C3orf20: variants seen among roughly 807,000 people sequenced by gnomAD.
C3orf20 encodes uncharacterized protein C3orf20.
C3orf20 carries 76 observed loss-of-function variants against 88.3 expected under a neutral mutation model. The observed-to-expected ratio is 0.86, with a 90% CI of 0.72 to 1.04. The LOEUF (loss-of-function observed/expected upper bound fraction) is 1.04. Ranked by LOEUF, C3orf20 falls within the 50% of genes least tolerant of loss-of-function variation. The pLI, the probability that C3orf20 is intolerant of heterozygous loss-of-function variation, is 0.00. For synonymous variants in C3orf20, 436 were observed against 437.4 expected (o/e 1.00, Z 0.04); for missense variants, 1,056 against 1,123.3 (o/e 0.94, Z 0.86).
In C3orf20 at chr3:14,732,531, T is replaced by G. The variant is rs1399258345; in HGVS notation, c.1940+3843T>G. On this transcript the variant is annotated intron_variant, in intron 12 of 16. Transcript: ENST00000253697. ...TTCTGGATTGTGATTTGTTGTCATG[T>G]CTAAAAACCCTTTGTTTAACCCAGT... 2.0e-5 allele frequency among the ~76,000 whole-genome samples: 3 copies of G among 152,240 alleles called. No homozygotes were observed. The East Asian group carries it at 5.8e-4, about 29-fold the overall frequency.
Position 14,715,350 on chromosome 3 carries a change from G to A in C3orf20, c.1375G>A (p.Val459Ile). ...GACCACCAATGACCAGCAGGGCTATGTAGTCCACAAGTGGAGCTGGACTTC... is the reference window on the plus strand; with the variant it reads ...GACCACCAATGACCAGCAGGGCTATATAGTCCACAAGTGGAGCTGGACTTC... The part of the protein sequence containing the change: ...GGTTNDQQGY[V>I]VHKWSWTSRT... The change falls in exon 9 of 17, where the codon GTA becomes ATA. Residue 459 changes from valine to isoleucine, a missense_variant. Val to Ile is a conservative substitution (Grantham distance 29, BLOSUM62 3). Coordinates refer to ENST00000253697, the MANE Select transcript of C3orf20 (RefSeq NM_032137.5). 6.2e-7 allele frequency: 1 copy of A among 1,612,726 alleles called. No individual in the cohort carries two copies. Among genetic ancestry groups the A allele is most frequent in the African/African-American group, 1.3e-5 (1 of 75,038 alleles).
intron 5 of C3orf20, among the ~76,000 whole-genome samples, chr3:14,702,400 T>C (rs1185707908): frequency 6.6e-6 from 1 of 151,504 alleles, no homozygotes; most frequent in Non-Finnish European, 1.5e-5. Flanking sequence ...AACCATATCA[T>C]TCTGCCCCTG....
intron 4 of C3orf20, among the ~76,000 whole-genome samples, chr3:14,689,613 T>A (rs2124903922): frequency 6.6e-6 from 1 of 152,324 alleles, no homozygotes; most frequent in South Asian, 2.1e-4. Flanking sequence ...TGTCTGTGGC[T>A]TAGATAAGGG....
intron 12 of C3orf20, among the ~76,000 whole-genome samples, chr3:14,742,379 C>T (rs1335944022): frequency 6.6e-6 from 1 of 152,098 alleles, no homozygotes; most frequent in Non-Finnish European, 1.5e-5. Context: ...CAAATGTATC[C>T]CCATCAGGGT....
chr3:14,714,274 A>G, intron 8 of C3orf20, 115 bp downstream of exon 8: 1 of 1,165,030 alleles, frequency 8.6e-7, no homozygotes, highest in Non-Finnish European at 1.2e-6. Flanking sequence ...CGGTGTCCAG[A>G]GATCTAGTAA....
intron 15 of C3orf20, among the ~76,000 whole-genome samples, chr3:14,762,244 G>A (rs975655660): frequency 2.0e-5 from 3 of 152,224 alleles, no homozygotes; most frequent in African/African-American, 7.2e-5. Context: ...CCCTGTAGCA[G>A]GAAATGCTGG....
chr3:14,769,852 G>A (rs1021155613), intron 15 of C3orf20, among the ~76,000 whole-genome samples: 1 of 152,182 alleles, frequency 6.6e-6, no homozygotes, highest in Non-Finnish European at 1.5e-5. Context: ...CTGGGACGGA[G>A]GGGCTGGCTG....
rs1575085129 is a variant in C3orf20 at position 14,682,500 on chromosome 3, G to T, written c.-136-78G>T. On this transcript the variant is annotated intron_variant, in intron 2 of 16. Transcript: ENST00000253697. ...TTGGTCTCTCTGATGGTGTCTCTGG[G>T]TAGGTAAGGGACGGGGGACCTCCCC... 16 of 598,022 alleles carry T rather than the reference G, an allele frequency of 2.7e-5. No homozygotes were observed. In the East Asian group the frequency reaches 4.0e-4, roughly 15 times the overall value. 37.0% of individuals were successfully genotyped at this position (598,022 alleles called of 1,614,324 possible). A position where few individuals can be genotyped will look rare whatever the true frequency, so the allele number is the denominator to read the frequency against.
intron 9 of C3orf20, among the ~76,000 whole-genome samples, chr3:14,721,423 G>A (rs897876229): frequency 1.3e-5 from 2 of 152,258 alleles, no homozygotes; most frequent in African/African-American, 4.8e-5. Context: ...GAGTTGGAAA[G>A]GGAAGGAGTA....
At chr3:14,760,070 C>T in intron 14 of C3orf20, 72 bp downstream of exon 14, 1 of 1,120,860 alleles carries the variant, frequency 8.9e-7, no homozygotes, top group Non-Finnish European at 1.4e-6. Context: ...TGCAGAATCA[C>T]ACATGTGGGA....
intron 9 of C3orf20, among the ~76,000 whole-genome samples, chr3:14,716,321 G>A (rs1409766559): frequency 6.6e-6 from 1 of 152,172 alleles, no homozygotes; most frequent in African/African-American, 2.4e-5. Flanking sequence ...TGTGAGAGAG[G>A]GGCAAGTGTT....
chr3:14,681,645 G>A (rs2032098067), intron 1 of C3orf20, among the ~76,000 whole-genome samples: 1 of 152,138 alleles, frequency 6.6e-6, no homozygotes, highest in Non-Finnish European at 1.5e-5. Context: ...AAGTCCCTTG[G>A]GAATTACAAG....
chr3:14,695,931 C>T (rs2032976719), intron 5 of C3orf20, among the ~76,000 whole-genome samples: 1 of 152,022 alleles, frequency 6.6e-6, no homozygotes, highest in African/African-American at 2.4e-5. Context: ...ATCCATCCAA[C>T]AACCCTATGT....
chr3:14,716,575 C>T (rs1174000966), intron 9 of C3orf20, among the ~76,000 whole-genome samples: 1 of 152,198 alleles, frequency 6.6e-6, no homozygotes, highest in Non-Finnish European at 1.5e-5. Context: ...TTGAACATGT[C>T]TCACCTTTCC....
chr3:14,747,825 C>T (rs1188455061), intron 12 of C3orf20, among the ~76,000 whole-genome samples: 3 of 151,732 alleles, frequency 2.0e-5, no homozygotes, highest in Non-Finnish European at 4.4e-5. Context: ...CAAAGGCAGG[C>T]TTTATATTAT....
At chr3:14,696,725 A>G (rs1323971706) in intron 5 of C3orf20, among the ~76,000 whole-genome samples, 2 of 151,666 alleles carry the variant, frequency 1.3e-5, no homozygotes, top group East Asian at 3.9e-4. Flanking sequence ...TCTGCTTGAG[A>G]TAATAGTAGC....
At chr3:14,748,820 T>G (rs534724578) in intron 12 of C3orf20, among the ~76,000 whole-genome samples, 1 of 152,326 alleles carries the variant, frequency 6.6e-6, no homozygotes, top group South Asian at 2.1e-4. Context: ...AGAGATTTTA[T>G]AATGTTTTCA....
chr3:14,688,862 G>A (rs1408595680), intron 4 of C3orf20, among the ~76,000 whole-genome samples: 1 of 152,026 alleles, frequency 6.6e-6, no homozygotes, highest in African/African-American at 2.4e-5. Context: ...ACAGAGTACA[G>A]CTGTTTTCCA....
chr3:14,707,069 G>A (rs1417589857), intron 7 of C3orf20, among the ~76,000 whole-genome samples: 1 of 151,896 alleles, frequency 6.6e-6, no homozygotes, highest in Non-Finnish European at 1.5e-5. Context: ...CTAACATGGT[G>A]AAACCCCGTC....
Sources: gnomAD v4.1 joint callset for allele counts (sites outside exome capture counted in the v4.1 genomes callset) on GRCh38, gnomAD v4.1.1 for gene constraint, MANE v1.5 for transcripts, NCBI Gene and HGNC (gene_info 2026-07-23, HGNC 2026-07-21) for gene names.